The following TENM4 variants were observed in gnomAD, a reference collection of about 807,000 sequenced individuals.
The protein encoded by TENM4 is teneurin-4.
Under a neutral mutation model 243.3 loss-of-function variants are expected in TENM4, and 82 were observed. The ratio of observed to expected loss-of-function variants is 0.34; its 90% CI spans 0.28 to 0.40. The LOEUF (loss-of-function observed/expected upper bound fraction) is 0.40, where lower values mean the gene tolerates loss of function less well. Ranked by LOEUF, TENM4 falls within the 10% of genes least tolerant of loss-of-function variation. The pLI is 1.00. For missense variants in TENM4, 3,138 were observed against 3,673.3 expected, an observed-to-expected ratio of 0.85 and a Z score of 3.77; for synonymous variants, 1,412 against 1,456.3, an observed-to-expected ratio of 0.97 and a Z score of 0.69.
At chr11:79,258,841 C>T (rs907745854) in intron 2 of TENM4, among the ~76,000 whole-genome samples, 3 of 152,200 alleles carry the variant, frequency 2.0e-5, no homozygotes, top group African/African-American at 7.2e-5. Flanking sequence ...TTTATTCATG[C>T]AAGCCGCCCA....
chr11:79,434,893 C>T (rs139424724), intron 1 of TENM4, among the ~76,000 whole-genome samples: 23 of 152,112 alleles, frequency 1.5e-4, no homozygotes, highest in Admixed American at 5.9e-4. Flanking sequence ...AGGATGGTTA[C>T]TACAGTCTTG....
chr11:78,794,500 G>A (rs1234401398), intron 15 of TENM4, among the ~76,000 whole-genome samples: 4 of 152,244 alleles, frequency 2.6e-5, no homozygotes, highest in Non-Finnish European at 5.9e-5. Context: ...GAATGAGAGC[G>A]AGAACTCACA....
At chr11:79,428,695 C>T (rs949136779) in intron 1 of TENM4, among the ~76,000 whole-genome samples, 7 of 152,208 alleles carry the variant, frequency 4.6e-5, no homozygotes, top group Admixed American at 3.9e-4. Flanking sequence ...AAGAAGGCCA[C>T]TTTTCTGACC....
intron 6 of TENM4, among the ~76,000 whole-genome samples, chr11:79,038,085 C>T (rs1859432588): frequency 6.6e-6 from 1 of 152,186 alleles, no homozygotes; most frequent in African/African-American, 2.4e-5. Context: ...ACAAAGGAAG[C>T]CGGAGACAAC....
intron 28 of TENM4, among the ~76,000 whole-genome samples, chr11:78,696,015 C>G (rs1858951923): frequency 6.6e-6 from 1 of 151,960 alleles, no homozygotes. Flanking sequence ...ATTCCAATTA[C>G]ATGTATATCA....
chr11:79,085,615 C>T (rs1860792876), intron 4 of TENM4, among the ~76,000 whole-genome samples: 1 of 152,162 alleles, frequency 6.6e-6, no homozygotes, highest in African/African-American at 2.4e-5. Context: ...TTAATAAAGA[C>T]TCAGTCAATA....
chr11:79,062,346 A>C (rs974408391), intron 6 of TENM4, among the ~76,000 whole-genome samples: 1 of 152,018 alleles, frequency 6.6e-6, no homozygotes, highest in Admixed American at 6.6e-5. Context: ...GGATCCAAGA[A>C]TTCTACATCT....
intron 2 of TENM4, among the ~76,000 whole-genome samples, chr11:79,267,142 T>G (rs1239934624): frequency 2.0e-5 from 3 of 152,160 alleles, no homozygotes; most frequent in Admixed American, 6.5e-5. Context: ...ACCATCCACA[T>G]GTAATCAAGA....
At chr11:79,428,631 T>C (rs1859103971) in intron 1 of TENM4, among the ~76,000 whole-genome samples, 1 of 152,164 alleles carries the variant, frequency 6.6e-6, no homozygotes, top group Admixed American at 6.5e-5. Flanking sequence ...GGGCCAGGCA[T>C]TTCCCAGCAC....
intron 6 of TENM4, among the ~76,000 whole-genome samples, chr11:79,058,797 T>C (rs1247151986): frequency 6.6e-6 from 1 of 152,130 alleles, no homozygotes; most frequent in East Asian, 1.9e-4. Context: ...TCAGTCCTCT[T>C]GGGAGCCTGG....
At chr11:78,861,870 CA>C (rs1858828173) in intron 10 of TENM4, among the ~76,000 whole-genome samples, 1 of 152,204 alleles carries the variant, frequency 6.6e-6, no homozygotes, top group Non-Finnish European at 1.5e-5. Flanking sequence ...GGAGAGAAAG[CA>C]GGCCATAGCA....
At chr11:78,975,602 A>C (rs10522468) in intron 6 of TENM4, among the ~76,000 whole-genome samples, 21 of 115,846 alleles carry the variant, frequency 1.8e-4, no homozygotes, top group Middle Eastern at 4.5e-3. Flanking sequence ...ACACACCCAC[A>C]CACACACACA....
intron 6 of TENM4, among the ~76,000 whole-genome samples, chr11:78,991,772 A>G (rs1858052605): frequency 6.6e-6 from 1 of 152,292 alleles, no homozygotes; most frequent in Middle Eastern, 3.4e-3. Context: ...AATTCACAGT[A>G]GGAAATTAAC....
intron 1 of TENM4, among the ~76,000 whole-genome samples, chr11:79,313,881 G>A (rs948858439): frequency 1.3e-5 from 2 of 152,108 alleles, no homozygotes; most frequent in African/African-American, 4.8e-5. Context: ...TTCCAGTTTC[G>A]ATGTGAAATC....
intron 10 of TENM4, among the ~76,000 whole-genome samples, chr11:78,861,708 C>T (rs761371000): frequency 3.8e-4 from 58 of 152,306 alleles, no homozygotes; most frequent in Non-Finnish European, 6.0e-4. Context: ...GTATATGCCA[C>T]CCTGTTAAAC....
intron 2 of TENM4, among the ~76,000 whole-genome samples, chr11:79,265,179 T>A (rs1176698044): frequency 6.6e-6 from 1 of 152,226 alleles, no homozygotes; most frequent in African/African-American, 2.4e-5. Flanking sequence ...TTGTAATGCA[T>A]GAAACTGCAT....
chr11:79,431,125 A>G (rs1859159920), intron 1 of TENM4, among the ~76,000 whole-genome samples: 1 of 152,224 alleles, frequency 6.6e-6, no homozygotes, highest in Admixed American at 6.5e-5. Context: ...CCAAACCATC[A>G]AAAATTCTAT....
At chr11:79,254,540 C>A (rs920755933) in intron 2 of TENM4, among the ~76,000 whole-genome samples, 3 of 152,174 alleles carry the variant, frequency 2.0e-5, no homozygotes, top group African/African-American at 7.2e-5. Context: ...GCGTTCTTTT[C>A]TGACTTTCTG....
chr11:79,247,357 C>A (rs1483696866), intron 2 of TENM4, among the ~76,000 whole-genome samples: 1 of 140,176 alleles, frequency 7.1e-6, no homozygotes, highest in African/African-American at 2.7e-5. Context: ...GCGGAAGTTG[C>A]AGTGAGCTGA....
Sources: allele counts gnomAD v4.1 joint callset (sites outside exome capture counted in the v4.1 genomes callset), GRCh38; gene constraint gnomAD v4.1.1; transcripts MANE v1.5; gene names NCBI Gene and HGNC (gene_info 2026-07-23, HGNC 2026-07-21).